The following ROR1 variants were observed in gnomAD, a reference collection of about 807,000 sequenced individuals.
The protein encoded by ROR1 is inactive tyrosine-protein kinase transmembrane receptor ROR1.
ROR1 carries 19 observed loss-of-function variants against 78.8 expected under a neutral mutation model. That is an observed-to-expected ratio of 0.24 (90% confidence interval 0.17 to 0.35). The LOEUF (loss-of-function observed/expected upper bound fraction) is 0.35. Ranked by LOEUF, ROR1 falls within the 10% of genes least tolerant of loss-of-function variation. ROR1 has a pLI of 1.00. For missense variants in ROR1, 917 were observed against 1,177.8 expected, an observed-to-expected ratio of 0.78 and a Z score of 3.24; for synonymous variants, 386 against 433.6, an observed-to-expected ratio of 0.89 and a Z score of 1.36.
intron 2 of ROR1, among the ~76,000 whole-genome samples, chr1:64,016,020 A>G (rs1392175701): frequency 2.0e-5 from 3 of 152,070 alleles, no homozygotes; most frequent in African/African-American, 7.2e-5. Flanking sequence ...CCCCCTCCCC[A>G]CCAACTCCCT....
chr1:63,810,564 G>GAAC (rs1246154148), intron 1 of ROR1, among the ~76,000 whole-genome samples: 1 of 152,194 alleles, frequency 6.6e-6, no homozygotes, highest in Non-Finnish European at 1.5e-5. Flanking sequence ...TGGAGAAGAG[G>GAAC]AACAGATGAA....
chr1:64,009,254 T>C (rs757421353), intron 1 of ROR1, 51 bp from the exon 2 acceptor site: 3 of 1,330,508 alleles, frequency 2.3e-6, no homozygotes, highest in Non-Finnish European at 3.3e-6. Flanking sequence ...TATAAATTAC[T>C]ATATTTAATA....
At chr1:63,946,866 G>A (rs566474062) in intron 1 of ROR1, among the ~76,000 whole-genome samples, 1 of 152,254 alleles carries the variant, frequency 6.6e-6, no homozygotes, top group East Asian at 1.9e-4. Context: ...TGAGGTGGTG[G>A]ATACCACCAC....
intron 4 of ROR1, 103 bp downstream of exon 4, chr1:64,050,819 C>A: frequency 2.7e-6 from 3 of 1,123,360 alleles, no homozygotes; most frequent in Non-Finnish European, 4.1e-6. Context: ...TACTGGCTTC[C>A]AGATGTCATT....
At chr1:63,978,265 G>T (rs1443774760) in intron 1 of ROR1, among the ~76,000 whole-genome samples, 1 of 152,210 alleles carries the variant, frequency 6.6e-6, no homozygotes, top group African/African-American at 2.4e-5. Flanking sequence ...TTTATTAAAT[G>T]ATTTGTTTCA....
chr1:64,109,720 G>C (rs6663856), intron 4 of ROR1, among the ~76,000 whole-genome samples: 18,813 of 152,074 alleles, frequency 0.12, 1,309 homozygotes, highest in Middle Eastern at 0.15. Flanking sequence ...GTAGAGAACA[G>C]GGTCTCACTT....
chr1:64,147,100 C>G (rs1411871236), intron 7 of ROR1, among the ~76,000 whole-genome samples: 2 of 152,228 alleles, frequency 1.3e-5, no homozygotes, highest in African/African-American at 4.8e-5. Flanking sequence ...TGGATTACAT[C>G]ATGCCGATTT....
chr1:63,950,436 T>C (rs1196516348), intron 1 of ROR1, among the ~76,000 whole-genome samples: 7 of 152,216 alleles, frequency 4.6e-5, no homozygotes, highest in African/African-American at 9.6e-5. Context: ...AGTTTAAGTA[T>C]GGTAATGCAT....
intron 1 of ROR1, among the ~76,000 whole-genome samples, chr1:63,966,032 A>G (rs1446470365): frequency 1.3e-5 from 2 of 152,210 alleles, no homozygotes; most frequent in Non-Finnish European, 2.9e-5. Context: ...TGTTATGAGG[A>G]TTAAATCCGA....
At chr1:64,047,257 T>C (rs895075350) in intron 2 of ROR1, among the ~76,000 whole-genome samples, 7 of 152,258 alleles carry the variant, frequency 4.6e-5, no homozygotes, top group African/African-American at 1.7e-4. Context: ...ACAGAAGTTA[T>C]TGTTATAAAA....
Position 64,153,476 on chromosome 1 carries a change from G to A in ROR1, c.1175-5505G>A, listed in dbSNP as rs74514078. 2.8e-3 allele frequency among the ~76,000 whole-genome samples: 422 copies of A among 152,320 alleles called. 4 individuals are homozygous for A. The highest frequency in any genetic ancestry group is 9.8e-3 in the African/African-American group (407 of 41,572). On this transcript the variant is annotated intron_variant, in intron 7 of 8. Coordinates refer to ENST00000371079, the MANE Select transcript of ROR1 (RefSeq NM_005012.4). ...CCATGTTCACTGCAGCATTATTCAT[G>A]ATAGCCGTTTAAGGCAGAAGCAACC...
intron 1 of ROR1, among the ~76,000 whole-genome samples, chr1:63,775,080 A>G (rs1434105319): frequency 6.6e-6 from 1 of 152,022 alleles, no homozygotes; most frequent in Non-Finnish European, 1.5e-5. Context: ...GTCATCATAG[A>G]GGCCAAAACT....
intron 1 of ROR1, among the ~76,000 whole-genome samples, chr1:63,846,972 G>A (rs1003188816): frequency 5.3e-5 from 8 of 152,152 alleles, no homozygotes; most frequent in African/African-American, 9.7e-5. Context: ...GAGCTCACCC[G>A]CTATCTCCTC....
intron 8 of ROR1, among the ~76,000 whole-genome samples, chr1:64,163,222 A>AACACACACAC (rs57880828): frequency 1.4e-3 from 197 of 137,760 alleles, no homozygotes; most frequent in African/African-American, 5.1e-3. Context: ...CATCTCTACA[A>AACACACACAC]ACACACACAC....
chr1:64,167,608 CTG>C (rs990961761), intron 8 of ROR1, among the ~76,000 whole-genome samples: 19 of 152,300 alleles, frequency 1.2e-4, no homozygotes, highest in African/African-American at 4.3e-4. Flanking sequence ...AATTCTAACA[CTG>C]TTTACCTAAG....
At chr1:63,957,135 C>G (rs895684116) in intron 1 of ROR1, among the ~76,000 whole-genome samples, 5 of 152,136 alleles carry the variant, frequency 3.3e-5, no homozygotes, top group African/African-American at 1.2e-4. Flanking sequence ...AGATTATATG[C>G]AATGACAAAT....
intron 1 of ROR1, among the ~76,000 whole-genome samples, chr1:63,819,004 T>G (rs1466763953): frequency 1.3e-5 from 2 of 152,152 alleles, no homozygotes; most frequent in Non-Finnish European, 2.9e-5. Flanking sequence ...AAGGAAAAAT[T>G]GCTAAAGCCC....
In ROR1 at chr1:63,923,107, G is replaced by A. The variant is rs11811685; in HGVS notation, c.92-86198G>A. Among the ~76,000 whole-genome samples the A allele has an allele frequency of 5.6e-3, 860 of 152,254 alleles. 7 individuals are homozygous for A. Among genetic ancestry groups the A allele is most frequent in the African/African-American group, 0.02 (830 of 41,562 alleles). ...TCACGGGGCTGAAATAACCCTGGGC[G>A]ACTGATGTAAAACAGATTGCGTGTG... On this transcript the variant is annotated intron_variant, in intron 1 of 8. Coordinates refer to ENST00000371079, the MANE Select transcript of ROR1 (RefSeq NM_005012.4).
At chr1:64,147,169 T>C (rs1266771835) in intron 7 of ROR1, among the ~76,000 whole-genome samples, 6 of 152,216 alleles carry the variant, frequency 3.9e-5, no homozygotes, top group Non-Finnish European at 7.3e-5. Flanking sequence ...TATCATAGTA[T>C]TACTCAGTGT....
Sources: gnomAD v4.1 joint callset for allele counts (sites outside exome capture counted in the v4.1 genomes callset) on GRCh38, gnomAD v4.1.1 for gene constraint, MANE v1.5 for transcripts, NCBI Gene and HGNC (gene_info 2026-07-23, HGNC 2026-07-21) for gene names.